Variants in VEGFD observed in about 807,000 individuals in gnomAD.
VEGFD encodes the protein vascular endothelial growth factor D.
VEGFD carries 26 observed loss-of-function variants against 28.0 expected under a neutral mutation model. That is an observed-to-expected ratio of 0.93 (90% CI 0.68 to 1.29). The LOEUF (loss-of-function observed/expected upper bound fraction) is 1.29. VEGFD is among the 50% of genes most tolerant of loss of function. The probability of loss-of-function intolerance (pLI) is 0.00; values close to 1 mark genes in which losing one functional copy is unlikely to be tolerated. For missense variants in VEGFD, 294 were observed against 273.4 expected, an observed-to-expected ratio of 1.08 and a Z score of -0.53; for synonymous variants, 93 against 95.5, an observed-to-expected ratio of 0.97 and a Z score of 0.15.
chrX:15,359,362 C>CTTTTTTTTTTTTTTTT (rs1171408211), intron 2 of VEGFD, among the ~76,000 whole-genome samples: 60 of 62,865 alleles, frequency 9.5e-4, no homozygotes, highest in Non-Finnish European at 1.1e-3. Flanking sequence ...CACTTGCAGG[C>CTTTTTTTTTTTTTTTT]TTTTTTTTTT....
intron 5 of VEGFD, among the ~76,000 whole-genome samples, chrX:15,351,007 G>A (rs1332698066): frequency 7.3e-5 from 6 of 81,689 alleles, no homozygotes; most frequent in Non-Finnish European, 1.1e-4. Context: ...GACTACAGGC[G>A]CACATCACCA....
chrX:15,368,165 A>G (rs1016268548), intron 1 of VEGFD, among the ~76,000 whole-genome samples: 2 of 110,462 alleles, frequency 1.8e-5, no homozygotes, highest in African/African-American at 6.6e-5. Context: ...AAAGAAAGAA[A>G]GAAAAGAAAG....
At chrX:15,366,167 C>T (rs983812802) in intron 1 of VEGFD, among the ~76,000 whole-genome samples, 3 of 110,502 alleles carry the variant, frequency 2.7e-5, no homozygotes, top group African/African-American at 9.9e-5. Flanking sequence ...CCACCACGCC[C>T]GGCTAATTTT....
chrX:15,369,466 C>G (rs760042738), intron 1 of VEGFD, among the ~76,000 whole-genome samples: 1 of 111,078 alleles, frequency 9.0e-6, no homozygotes, highest in Non-Finnish European at 1.9e-5. Context: ...CCACTTCACA[C>G]CCAGTAGAAT....
intron 2 of VEGFD, among the ~76,000 whole-genome samples, chrX:15,361,145 C>T (rs192607076): frequency 2.6e-4 from 29 of 111,950 alleles, no homozygotes; most frequent in Admixed American, 1.7e-3. Flanking sequence ...TTGCAAATTC[C>T]GTGATATTTT....
At chrX:15,365,567 G>A (rs1602227398) in intron 1 of VEGFD, among the ~76,000 whole-genome samples, 2 of 111,902 alleles carry the variant, frequency 1.8e-5, no homozygotes, top group Non-Finnish European at 3.8e-5. Flanking sequence ...TATTGTCTAC[G>A]GCTGCTTTCA....
rs144882197 is a variant in VEGFD at position 15,373,761 on chromosome X, G to A, written c.90+10096C>T. 2.9e-4 allele frequency among the ~76,000 whole-genome samples: 32 copies of A among 111,514 alleles called. No homozygotes were observed. The East Asian group carries it at 7.0e-3, about 25-fold the overall frequency. On this transcript the variant is annotated intron_variant, in intron 1 of 6. Transcript: ENST00000297904. Reference sequence around the variant, plus strand: ...TCGGTTGCAATACAAATAGTTCCATGTTCCCTCTACCTCTTAGCAGCTTCT... The same window carrying A: ...TCGGTTGCAATACAAATAGTTCCATATTCCCTCTACCTCTTAGCAGCTTCT...
chrX:15,348,581 A>C (rs1922612664), intron 5 of VEGFD, among the ~76,000 whole-genome samples: 1 of 112,362 alleles, frequency 8.9e-6, no homozygotes, highest in African/African-American at 3.2e-5. Context: ...ACCAAATGAC[A>C]GCACTTTCTG....
rs1922567091 is a variant in VEGFD, at chrX:15,346,962, C to T, written c.938+202G>A. 2.7e-5 allele frequency among the ~76,000 whole-genome samples: 3 copies of T among 110,902 alleles called. No homozygotes were observed. The South Asian group carries it at 1.1e-3, about 42-fold the overall frequency. On this transcript the variant is annotated intron_variant, in intron 6 of 6. Transcript: ENST00000297904. Reference sequence around the variant, plus strand: ...AAAGCTCTACACACATAATAACAGGCAGGATTGATTTTCTTATTTTCATGA... The same window carrying T: ...AAAGCTCTACACACATAATAACAGGTAGGATTGATTTTCTTATTTTCATGA...
At chrX:15,373,667 TACTC>T (rs1923366541) in intron 1 of VEGFD, among the ~76,000 whole-genome samples, 2 of 111,796 alleles carry the variant, frequency 1.8e-5, no homozygotes, top group South Asian at 3.7e-4. Flanking sequence ...GTTCTCTTCT[TACTC>T]ACCCTGGAGT....
At chrX:15,362,592 AT>A (rs761747519) in intron 2 of VEGFD, among the ~76,000 whole-genome samples, 2 of 109,515 alleles carry the variant, frequency 1.8e-5, no homozygotes, top group African/African-American at 6.7e-5. Flanking sequence ...ATTTTTTTCT[AT>A]TTTTTTGTAG....
rs199528083 is a variant in VEGFD at position 15,374,776 on chromosome X, TTTTTC to T, written c.90+9076_90+9080del. 7.5e-3 allele frequency among the ~76,000 whole-genome samples: 812 copies of T among 108,202 alleles called. 13 individuals carry two copies. Among genetic ancestry groups the T allele is most frequent in the African/African-American group, 0.026 (756 of 29,060 alleles). 94.0% of individuals were successfully genotyped at this position (108,202 alleles called of 115,157 possible). Reference sequence around the variant, plus strand: ...CTTTGAATCCAGGCACTACCTTTTCTTTTTCTTTTCTTTTTTTTTTTTTAGCTATT... The same window carrying T: ...CTTTGAATCCAGGCACTACCTTTTCTTTTTCTTTTTTTTTTTTTAGCTATT... On this transcript the variant is annotated intron_variant, in intron 1 of 6. Coordinates refer to ENST00000297904, the MANE Select transcript of VEGFD (RefSeq NM_004469.5).
chrX:15,372,593 T>A (rs1034901887), intron 1 of VEGFD, among the ~76,000 whole-genome samples: 23 of 109,969 alleles, frequency 2.1e-4, no homozygotes, highest in South Asian at 3.9e-4. Flanking sequence ...CAGGATTTTT[T>A]AAAAAAAAAC....
At position 15,360,463 on chromosome X, in the gene VEGFD, C is replaced by G. The variant is rs765302559; in HGVS notation, c.302-2270G>C. On this transcript the variant is annotated intron_variant, in intron 2 of 6. Transcript: ENST00000297904. ...AAGCGATTCTCCTGCCTCAGCCTCC[C>G]AAGTAGCTGGGATTACAGGTATGCG... is the stretch of plus-strand genomic sequence containing the variant. 2.8e-5 allele frequency among the ~76,000 whole-genome samples: 3 copies of G among 108,969 alleles called. No homozygotes were observed. In the South Asian group the frequency reaches 1.2e-3, roughly 44 times the overall value. The allele number at this position is 108,969 out of a possible 115,157, so 94.6% of individuals were successfully genotyped here.
intron 1 of VEGFD, among the ~76,000 whole-genome samples, chrX:15,375,967 C>A (rs1923429399): frequency 9.0e-6 from 1 of 111,095 alleles, no homozygotes; most frequent in Admixed American, 9.6e-5. Context: ...TATGTGGGGG[C>A]AGATGGGTGT....
At chrX:15,370,353 G>A (rs768738022) in intron 1 of VEGFD, among the ~76,000 whole-genome samples, 22 of 112,068 alleles carry the variant, frequency 2.0e-4, no homozygotes, top group Middle Eastern at 4.6e-3. Flanking sequence ...GAGATTATTC[G>A]TGTATTCAAA....
chrX:15,347,136 T>C (rs767976574), intron 6 of VEGFD, 28 bp downstream of exon 6: 1 of 1,178,721 alleles, frequency 8.5e-7, no homozygotes, highest in Non-Finnish European at 1.1e-6. Context: ...ATGTCATGAG[T>C]AAAGGCAAGA....
chrX:15,358,683 A>G (rs1922929388), intron 2 of VEGFD, among the ~76,000 whole-genome samples: 1 of 111,827 alleles, frequency 8.9e-6, no homozygotes, highest in Non-Finnish European at 1.9e-5. Flanking sequence ...TGGCAAACGC[A>G]TAAATGGAAA....
chrX:15,368,550 G>A (rs1923235161), intron 1 of VEGFD, among the ~76,000 whole-genome samples: 1 of 112,334 alleles, frequency 8.9e-6, no homozygotes, highest in African/African-American at 3.2e-5. Flanking sequence ...GTTCAAGAAT[G>A]GTTGTTTGTT....
Sources: allele counts gnomAD v4.1 joint callset (sites outside exome capture counted in the v4.1 genomes callset), GRCh38; gene constraint gnomAD v4.1.1; transcripts MANE v1.5; gene names NCBI Gene and HGNC (gene_info 2026-07-23, HGNC 2026-07-21).